Variants in SLIT3 observed in about 807,000 individuals in gnomAD.
The protein encoded by SLIT3 is slit homolog 3 protein.
Under a neutral mutation model 184.0 loss-of-function variants are expected in SLIT3, and 68 were observed. That is an observed-to-expected ratio of 0.37 (90% CI 0.30 to 0.45). The LOEUF (loss-of-function observed/expected upper bound fraction) is 0.45. SLIT3 is among the 20% of genes least tolerant of loss of function. The pLI is 1.00. For synonymous variants in SLIT3, 831 were observed against 828.6 expected (o/e 1.00, Z -0.05); for missense variants, 1,707 against 2,026.0 (o/e 0.84, Z 3.02).
intron 4 of SLIT3, among the ~76,000 whole-genome samples, chr5:168,890,583 T>C (rs1001124549): frequency 1.8e-4 from 27 of 152,370 alleles, no homozygotes; most frequent in African/African-American, 6.5e-4. Flanking sequence ...GGTTATGTTT[T>C]CTTTCATTTA....
intron 4 of SLIT3, among the ~76,000 whole-genome samples, chr5:168,905,009 T>C (rs1760998186): frequency 6.6e-6 from 1 of 151,772 alleles, no homozygotes; most frequent in African/African-American, 2.4e-5. Flanking sequence ...TCTACTAAAA[T>C]AAAAATAAAA....
intron 1 of SLIT3, among the ~76,000 whole-genome samples, chr5:169,275,295 C>T (rs1027839695): frequency 5.3e-5 from 8 of 152,164 alleles, no homozygotes; most frequent in Admixed American, 2.6e-4. Flanking sequence ...GTTAGTTATA[C>T]GACTGTCAAG....
chr5:168,883,352 A>G lies in SLIT3; in HGVS notation c.414-16T>C, dbSNP rs771438322. On this transcript the variant is annotated splice_polypyrimidine_tract_variant and intron_variant, in intron 4 of 35. Coordinates refer to ENST00000519560, the MANE Select transcript of SLIT3 (RefSeq NM_003062.4). ...ACTCAAATCTCTAAACAAGAAGAGA[A>G]GAGGCACACTGCATTAAAGACCCAG... 8 of 1,600,760 alleles carry G rather than the reference A, an allele frequency of 5.0e-6. No homozygotes were observed. In the East Asian group the frequency reaches 1.3e-4, roughly 27 times the overall value.
At chr5:168,841,884 T>C (rs1275519058) in intron 6 of SLIT3, among the ~76,000 whole-genome samples, 1 of 152,244 alleles carries the variant, frequency 6.6e-6, no homozygotes, top group Non-Finnish European at 1.5e-5. Context: ...AAACATTACA[T>C]TTTGTCTTCT....
intron 9 of SLIT3, among the ~76,000 whole-genome samples, chr5:168,795,860 A>C (rs1044150006): frequency 6.6e-6 from 1 of 152,104 alleles, no homozygotes; most frequent in Admixed American, 6.5e-5. Flanking sequence ...TGCTTTTGGC[A>C]GCAGCTGTCT....
chr5:169,080,067 T>C (rs530024229), intron 4 of SLIT3, among the ~76,000 whole-genome samples: 4 of 152,028 alleles, frequency 2.6e-5, no homozygotes, highest in African/African-American at 9.7e-5. Context: ...TGGGCTCAAC[T>C]CCAATATAAG....
At chr5:169,094,804 G>T (rs1217164330) in intron 4 of SLIT3, among the ~76,000 whole-genome samples, 3 of 152,192 alleles carry the variant, frequency 2.0e-5, no homozygotes, top group Admixed American at 1.3e-4. Context: ...AGCTTTATTA[G>T]AACACAACCA....
intron 4 of SLIT3, chr5:168,992,923 C>T (rs1218591175): frequency 6.6e-6 from 1 of 152,166 alleles, no homozygotes; most frequent in Admixed American, 6.5e-5. Context: ...TGGGTGTTAG[C>T]AAAGGCCCTT....
At chr5:169,250,176 T>G (rs979097402) in intron 2 of SLIT3, among the ~76,000 whole-genome samples, 5 of 152,226 alleles carry the variant, frequency 3.3e-5, no homozygotes, top group Non-Finnish European at 5.9e-5. Flanking sequence ...TGGTTTCCTC[T>G]GCTACAAATA....
intron 1 of SLIT3, among the ~76,000 whole-genome samples, chr5:169,259,882 G>T (rs1047063801): frequency 6.6e-6 from 1 of 152,140 alleles, no homozygotes; most frequent in African/African-American, 2.4e-5. Flanking sequence ...CTAAGACTCA[G>T]GAGATTCTTA....
intron 20 of SLIT3, among the ~76,000 whole-genome samples, chr5:168,741,797 G>C (rs1470929390): frequency 6.8e-6 from 1 of 146,764 alleles, no homozygotes. Context: ...CTGCACAAAG[G>C]GCTAAGTGCT....
chr5:168,957,089 C>T (rs965954005), intron 4 of SLIT3, among the ~76,000 whole-genome samples: 3 of 151,846 alleles, frequency 2.0e-5, no homozygotes, highest in Non-Finnish European at 2.9e-5. Flanking sequence ...ATTAGCTGGG[C>T]GTGGTGGCGG....
chr5:168,789,930 T>C (rs1281786325), intron 10 of SLIT3: 2 of 330,792 alleles, frequency 6.0e-6, no homozygotes, highest in Non-Finnish European at 1.1e-5. Context: ...AGGTGGAAAA[T>C]TGAGCCCAGT....
At chr5:169,275,507 T>C (rs1198521060) in intron 1 of SLIT3, among the ~76,000 whole-genome samples, 1 of 152,176 alleles carries the variant, frequency 6.6e-6, no homozygotes, top group Admixed American at 6.5e-5. Flanking sequence ...TTAATCTGTT[T>C]TTTTACGCCG....
rs556095463 is a variant in SLIT3 at position 168,824,178 on chromosome 5, T to C, written c.558-847A>G. Among the ~76,000 whole-genome samples the C allele has an allele frequency of 1.3e-4, 20 of 152,290 alleles. No homozygotes were observed. The East Asian group carries it at 3.7e-3, about 28-fold the overall frequency. On this transcript the variant is annotated intron_variant, in intron 6 of 35. Transcript: ENST00000519560. The stretch of plus-strand genomic sequence containing the variant: ...GCTCAAACTCCTTGACCTCACATGA[T>C]CCACCCCGCCTTGGCCTCCCAAAGT...
At chr5:168,880,708 G>A (rs1187265611) in intron 5 of SLIT3, among the ~76,000 whole-genome samples, 1 of 152,204 alleles carries the variant, frequency 6.6e-6, no homozygotes, top group Non-Finnish European at 1.5e-5. Flanking sequence ...GAAGTGTCAA[G>A]TAATGTACTT....
chr5:168,782,538 G>A (rs937153749), intron 12 of SLIT3, among the ~76,000 whole-genome samples: 1 of 152,196 alleles, frequency 6.6e-6, no homozygotes, highest in Non-Finnish European at 1.5e-5. Context: ...AGGAGCCTAT[G>A]AGCCTGGGTG....
chr5:168,977,288 G>C (rs1045790164), intron 4 of SLIT3, among the ~76,000 whole-genome samples: 1 of 152,146 alleles, frequency 6.6e-6, no homozygotes, highest in African/African-American at 2.4e-5. Flanking sequence ...CTTTTGGATT[G>C]CTCTGCCTGC....
At chr5:169,072,830 T>C (rs920079410) in intron 4 of SLIT3, among the ~76,000 whole-genome samples, 3 of 152,162 alleles carry the variant, frequency 2.0e-5, no homozygotes, top group African/African-American at 7.2e-5. Flanking sequence ...CCACCTTTAG[T>C]CACTCTCAGT....
Sources: allele counts gnomAD v4.1 joint callset (sites outside exome capture counted in the v4.1 genomes callset), GRCh38; gene constraint gnomAD v4.1.1; transcripts MANE v1.5; gene names NCBI Gene and HGNC (gene_info 2026-07-23, HGNC 2026-07-21).